Variants in FAM174B observed in about 807,000 individuals in gnomAD.
FAM174B encodes membrane protein FAM174B.
In FAM174B, 12 loss-of-function variants were observed where a neutral mutation model predicts 10.9. The ratio of observed to expected loss-of-function variants is 1.10; its 90% CI spans 0.71 to 1.79. FAM174B has a LOEUF of 1.79. Ranked by LOEUF, FAM174B falls within the 40% of genes most tolerant of loss-of-function variation. The pLI is 0.00. For missense variants in FAM174B, 266 were observed against 233.3 expected, an observed-to-expected ratio of 1.14 and a Z score of -0.91; for synonymous variants, 132 against 115.8, an observed-to-expected ratio of 1.14 and a Z score of -0.90.
intron 1 of FAM174B, among the ~76,000 whole-genome samples, chr15:92,632,600 C>T (rs1400224652): frequency 6.6e-6 from 1 of 152,116 alleles, no homozygotes; most frequent in East Asian, 1.9e-4. Context: ...GCCTCAACCT[C>T]CTGGGCTTAA....
At chr15:92,635,726 G>A (rs1286238086) in intron 1 of FAM174B, among the ~76,000 whole-genome samples, 1 of 151,732 alleles carries the variant, frequency 6.6e-6, no homozygotes, top group Admixed American at 6.6e-5. Context: ...GATTACAGGC[G>A]CCTGCCACCA....
chr15:92,652,562 G>A (rs1459246413), intron 1 of FAM174B, among the ~76,000 whole-genome samples: 2 of 152,168 alleles, frequency 1.3e-5, no homozygotes, highest in African/African-American at 4.8e-5. Context: ...TTGGCAGGGA[G>A]GGGTAGAAGA....
At chr15:92,636,383 T>C (rs1017446654) in intron 1 of FAM174B, among the ~76,000 whole-genome samples, 5 of 152,184 alleles carry the variant, frequency 3.3e-5, no homozygotes, top group Admixed American at 1.3e-4. Flanking sequence ...TTTAAATTTG[T>C]GATCAAATGT....
At chr15:92,637,160 G>A (rs1320759277) in intron 1 of FAM174B, among the ~76,000 whole-genome samples, 2 of 152,230 alleles carry the variant, frequency 1.3e-5, no homozygotes, top group Non-Finnish European at 2.9e-5. Context: ...CCATGGCAAT[G>A]GCAGAGGAGC....
chr15:92,628,475 C>T (rs891468870), intron 2 of FAM174B, among the ~76,000 whole-genome samples: 3 of 151,544 alleles, frequency 2.0e-5, no homozygotes, highest in Admixed American at 6.6e-5. Flanking sequence ...CCACCATGCC[C>T]GAGCCCAGAC....
At chr15:92,633,533 G>A (rs528354699) in intron 1 of FAM174B, among the ~76,000 whole-genome samples, 61 of 152,106 alleles carry the variant, frequency 4.0e-4, no homozygotes, top group South Asian at 8.3e-4. Flanking sequence ...AGCATTTTTC[G>A]TCTCTGCTTT....
intron 1 of FAM174B, among the ~76,000 whole-genome samples, chr15:92,651,000 G>T (rs2050962891): frequency 1.3e-5 from 2 of 152,198 alleles, no homozygotes; most frequent in African/African-American, 4.8e-5. Context: ...CATTTAAAAA[G>T]GTGGACGTGA....
intron 1 of FAM174B, among the ~76,000 whole-genome samples, chr15:92,652,969 T>C (rs1489102253): frequency 6.6e-6 from 1 of 152,132 alleles, no homozygotes; most frequent in Non-Finnish European, 1.5e-5. Context: ...TTGCAGAGTG[T>C]TCTAGAATCT....
Position 92,630,350 on chromosome 15 carries a change from A to C in FAM174B, c.345-5T>G, listed in dbSNP as rs749467204. 5 of 1,607,412 alleles carry C rather than the reference A, an allele frequency of 3.1e-6. No homozygotes were observed. The highest frequency in any genetic ancestry group is 2.2e-5 in the South Asian group (2 of 90,146). On this transcript the variant is annotated splice_polypyrimidine_tract_variant and splice_region_variant and intron_variant, in intron 1 of 2. Transcript: ENST00000327355. ...TTCTTTAACCTCTTTCCCGACCTGC[A>C]GGAGAAGAAGCACATTCATGAGAAC...
intron 1 of FAM174B, among the ~76,000 whole-genome samples, chr15:92,635,188 C>A (rs892750079): frequency 5.3e-5 from 8 of 151,602 alleles, no homozygotes; most frequent in Non-Finnish European, 1.2e-4. Flanking sequence ...CACACACACA[C>A]ACACACACAC....
At chr15:92,623,966 C>T (rs1310866889) in intron 2 of FAM174B, among the ~76,000 whole-genome samples, 1 of 152,074 alleles carries the variant, frequency 6.6e-6, no homozygotes, top group Non-Finnish European at 1.5e-5. Context: ...CTTTTTCTTT[C>T]TTTCTCTTTC....
At position 92,655,402 on chromosome 15, in the gene FAM174B, G is replaced by A. The variant is rs752830137; in HGVS notation, c.258C>T (p.Arg86=). Residue 86 remains arginine, a synonymous_variant, in exon 1 of 3, where the codon CGC becomes CGT. Coordinates refer to ENST00000327355, the MANE Select transcript of FAM174B (RefSeq NM_207446.3). ...CGGCTGCCTTGAGGGTGGGTAGGTC[G>A]CGGAGGAGGATGGAAATGCGGGTCA... ...ALVTRISILL[R]DLPTLKAAVI... 2 of 1,600,822 alleles carry A rather than the reference G, an allele frequency of 1.2e-6. No homozygotes were observed. Among genetic ancestry groups the A allele is most frequent in the Non-Finnish European group, 1.7e-6 (2 of 1,174,720 alleles).
At chr15:92,633,583 C>A (rs1273292006) in intron 1 of FAM174B, among the ~76,000 whole-genome samples, 1 of 152,164 alleles carries the variant, frequency 6.6e-6, no homozygotes, top group Non-Finnish European at 1.5e-5. Flanking sequence ...CACGGACACA[C>A]AGGCATGGGT....
chr15:92,654,801 AGAAGAAGAAG>A (rs2141967867), intron 1 of FAM174B, among the ~76,000 whole-genome samples: 1 of 89,758 alleles, frequency 1.1e-5, no homozygotes, highest in African/African-American at 3.5e-5. Flanking sequence ...AAAAAAAAAA[AGAAGAAGAAG>A]AAGAAGAAGA....
intron 1 of FAM174B, among the ~76,000 whole-genome samples, chr15:92,641,692 T>G (rs1038865812): frequency 6.6e-6 from 1 of 152,058 alleles, no homozygotes; most frequent in Non-Finnish European, 1.5e-5. Flanking sequence ...TATGTAAGAC[T>G]TATATGTAAG....
chr15:92,618,582 A>G lies in FAM174B; in HGVS notation c.*874T>C, dbSNP rs1258245238. The G allele has an allele frequency of 6.5e-6, 1 of 152,746 alleles. No homozygotes were observed. The highest frequency in any genetic ancestry group is 1.5e-5 in the Non-Finnish European group (1 of 68,094). The allele number at this position is 152,746 out of a possible 1,614,324, so 9.5% of individuals were successfully genotyped here. A position where few individuals can be genotyped will look rare whatever the true frequency, so the allele number is the denominator to read the frequency against. On this transcript the variant is annotated 3_prime_UTR_variant, in exon 3 of 3. Coordinates refer to ENST00000327355, the MANE Select transcript of FAM174B (RefSeq NM_207446.3). Reference sequence around the variant, plus strand: ...TTCATTTTTAAAATGGTTTTTAAAAATTACATTTCTAAGGCAAACAACGTA... The same window carrying G: ...TTCATTTTTAAAATGGTTTTTAAAAGTTACATTTCTAAGGCAAACAACGTA...
chr15:92,634,174 A>G (rs367798555), intron 1 of FAM174B: 1 of 152,258 alleles, frequency 6.6e-6, no homozygotes, highest in Non-Finnish European at 1.5e-5. Context: ...ACCCAAGGAC[A>G]TGAGAAAGTC....
intron 1 of FAM174B, among the ~76,000 whole-genome samples, chr15:92,651,072 T>A (rs2050963521): frequency 6.6e-6 from 1 of 152,228 alleles, no homozygotes; most frequent in African/African-American, 2.4e-5. Flanking sequence ...GAGGCTCAAC[T>A]ATGGTAGAAA....
Position 92,632,041 on chromosome 15 carries a change from T to C in FAM174B, c.345-1696A>G, listed in dbSNP as rs186194701. ...GGTGAGGGAAAATTGCATGAGATGATGCAGTTAAGCCTGCACACAGCAGGC... is the reference window on the plus strand; with the variant it reads ...GGTGAGGGAAAATTGCATGAGATGACGCAGTTAAGCCTGCACACAGCAGGC... On this transcript the variant is annotated intron_variant, in intron 1 of 2. Coordinates refer to ENST00000327355, the MANE Select transcript of FAM174B (RefSeq NM_207446.3). Among the ~76,000 whole-genome samples the C allele has an allele frequency of 1.0e-3, 152 of 150,674 alleles. 1 individual carries two copies. Among genetic ancestry groups the C allele is most frequent in the Non-Finnish European group, 1.7e-3 (116 of 67,730 alleles).
Sources: gnomAD v4.1 joint callset for allele counts (sites outside exome capture counted in the v4.1 genomes callset) on GRCh38, gnomAD v4.1.1 for gene constraint, MANE v1.5 for transcripts, NCBI Gene and HGNC (gene_info 2026-07-23, HGNC 2026-07-21) for gene names.